The following GRIK3 variants were observed in gnomAD, a reference collection of about 807,000 sequenced individuals.
The protein encoded by GRIK3 is glutamate ionotropic receptor kainate type subunit 3.
Under a neutral mutation model 102.5 loss-of-function variants are expected in GRIK3, and 29 were observed. The observed-to-expected ratio is 0.28, with a 90% CI of 0.21 to 0.39. GRIK3 has a LOEUF of 0.39. Ranked by LOEUF, GRIK3 falls within the 10% of genes least tolerant of loss-of-function variation. The pLI, the probability that GRIK3 is intolerant of heterozygous loss-of-function variation, is 1.00. For synonymous variants in GRIK3, 511 were observed against 504.9 expected (o/e 1.01, Z -0.16); for missense variants, 908 against 1,252.4 (o/e 0.73, Z 4.15).
chr1:36,923,978 C>T (rs1318581689), intron 1 of GRIK3, among the ~76,000 whole-genome samples: 1 of 142,904 alleles, frequency 7.0e-6, no homozygotes, highest in Non-Finnish European at 1.5e-5. Context: ...AAGACACATA[C>T]ATCCCAGAGC....
At position 36,880,492 on chromosome 1, in the gene GRIK3, C is replaced by G; in HGVS notation, c.550+142G>C. The G allele has an allele frequency of 1.2e-6, 1 of 839,242 alleles. No homozygotes were observed. Among genetic ancestry groups the G allele is most frequent in the Non-Finnish European group, 2.0e-6 (1 of 510,804 alleles). The allele number at this position is 839,242 out of a possible 1,614,324, so 52.0% of individuals were successfully genotyped here. Reference sequence around the variant, plus strand: ...TGTGAGTGGGTGCAGGGGTGAACATCAGCATAACCGAGTGGAACTGGGGTA... The same window carrying G: ...TGTGAGTGGGTGCAGGGGTGAACATGAGCATAACCGAGTGGAACTGGGGTA... On this transcript the variant is annotated intron_variant, in intron 3 of 15. Transcript: ENST00000373091. This position sits in a 1 kb window ranked among gnomAD's most constrained non-coding sequence, Gnocchi z 5.4.
At chr1:36,916,682 G>A (rs949754710) in intron 1 of GRIK3, among the ~76,000 whole-genome samples, 1 of 152,200 alleles carries the variant, frequency 6.6e-6, no homozygotes, top group Non-Finnish European at 1.5e-5. Flanking sequence ...CAGCTTCCAT[G>A]TGGTGTTGAG....
chr1:36,945,576 T>C (rs1641774691), intron 1 of GRIK3, among the ~76,000 whole-genome samples: 1 of 152,220 alleles, frequency 6.6e-6, no homozygotes, highest in Non-Finnish European at 1.5e-5. Context: ...TACAAGAGAA[T>C]ACAGATAGCT....
chr1:36,842,673 C>G (rs905916342), intron 9 of GRIK3, among the ~76,000 whole-genome samples: 6 of 152,200 alleles, frequency 3.9e-5, no homozygotes, highest in African/African-American at 1.4e-4. Context: ...AGTTTATGCC[C>G]ATGGGGGGCC....
intron 1 of GRIK3, among the ~76,000 whole-genome samples, chr1:36,972,565 T>C (rs1242792787): frequency 6.6e-6 from 1 of 152,154 alleles, no homozygotes; most frequent in African/African-American, 2.4e-5. Flanking sequence ...GCCACTCTTA[T>C]TCCCCTTTCC....
intron 1 of GRIK3, among the ~76,000 whole-genome samples, chr1:36,935,204 C>T (rs1332691867): frequency 6.6e-6 from 1 of 151,758 alleles, no homozygotes; most frequent in African/African-American, 2.4e-5. Flanking sequence ...GCACCCAGCA[C>T]GGTGCCTGAC....
chr1:37,021,755 T>G (rs763687621), intron 1 of GRIK3, among the ~76,000 whole-genome samples: 1 of 152,130 alleles, frequency 6.6e-6, no homozygotes, highest in Non-Finnish European at 1.5e-5. Context: ...TCAGTTCTGT[T>G]GTGTTCAGGA....
chr1:37,017,339 G>A (rs1319010753), intron 1 of GRIK3, among the ~76,000 whole-genome samples: 5 of 121,922 alleles, frequency 4.1e-5, no homozygotes, highest in Non-Finnish European at 6.3e-5. Flanking sequence ...TTTGAGACCA[G>A]CCTGGGCAAC....
chr1:36,948,010 T>C (rs1301726565), intron 1 of GRIK3, among the ~76,000 whole-genome samples: 2 of 152,194 alleles, frequency 1.3e-5, no homozygotes, highest in African/African-American at 4.8e-5. Flanking sequence ...GCAGCCTCAC[T>C]CCTTACCCCT....
At chr1:36,923,112 C>G (rs1204583629) in intron 1 of GRIK3, among the ~76,000 whole-genome samples, 1 of 152,210 alleles carries the variant, frequency 6.6e-6, no homozygotes. Flanking sequence ...AGTTGTTCAA[C>G]AGATGGGCAG....
At chr1:36,950,304 A>G (rs1264568267) in intron 1 of GRIK3, among the ~76,000 whole-genome samples, 1 of 152,266 alleles carries the variant, frequency 6.6e-6, no homozygotes, top group Non-Finnish European at 1.5e-5. Context: ...ATGCATGTCC[A>G]TTGAATAACA....
At chr1:36,849,816 G>A (rs564763703) in intron 9 of GRIK3, 1 of 155,954 alleles carries the variant, frequency 6.4e-6, no homozygotes, top group Non-Finnish European at 1.4e-5. Flanking sequence ...GAGAAGATGG[G>A]GTGTGATTCC....
rs146040732 is a variant in GRIK3, at chr1:36,824,786, C to T, written c.1754+817G>A. Among the ~76,000 whole-genome samples, 604 of 152,162 alleles carry T rather than the reference C, an allele frequency of 4.0e-3. 5 individuals are homozygous for T. Among genetic ancestry groups the T allele is most frequent in the African/African-American group, 0.014 (566 of 41,518 alleles). ...CCAACCCGGGGCAGGGGCGGACCAC[C>T]GGACGGAGATGTGGGTCATAGATAA... is the stretch of plus-strand genomic sequence containing the variant. On this transcript the variant is annotated intron_variant, in intron 11 of 15. Coordinates refer to ENST00000373091, the MANE Select transcript of GRIK3 (RefSeq NM_000831.4).
In GRIK3 at chr1:37,034,037, G is replaced by A; in HGVS notation, c.72C>T (p.Phe24=). The A allele has an allele frequency of 1.2e-6, 2 of 1,606,582 alleles. No individual in the cohort carries two copies. Among genetic ancestry groups the A allele is most frequent in the South Asian group, 2.2e-5 (2 of 90,262 alleles). Residue 24 remains phenylalanine, a synonymous_variant, in exon 1 of 16, where the codon TTC becomes TTT. Coordinates refer to ENST00000373091, the MANE Select transcript of GRIK3 (RefSeq NM_000831.4). ...EYWAGLLVCA[F]WIPDSRGMPH... ...GCATCCCGCGCGAGTCCGGGATCCA[G>A]AAGGCGCACACGAGGAGCCCGGCCC... is the stretch of plus-strand genomic sequence containing the variant.
At chr1:36,928,014 G>A (rs547999528) in intron 1 of GRIK3, among the ~76,000 whole-genome samples, 5 of 152,314 alleles carry the variant, frequency 3.3e-5, no homozygotes, top group South Asian at 2.1e-4. Flanking sequence ...TGGAGCTGCC[G>A]TCACGTGACC....
intron 1 of GRIK3, among the ~76,000 whole-genome samples, chr1:36,896,851 A>G (rs1428760427): frequency 6.6e-6 from 1 of 152,202 alleles, no homozygotes; most frequent in East Asian, 1.9e-4. Context: ...ATGGTTCAAA[A>G]CAACTGATCA....
At chr1:36,842,445 T>C (rs1360346685) in intron 9 of GRIK3, among the ~76,000 whole-genome samples, 1 of 152,228 alleles carries the variant, frequency 6.6e-6, no homozygotes, top group Non-Finnish European at 1.5e-5. Context: ...CACTCAAGTC[T>C]GAGGACGCTG....
At chr1:36,832,237 G>A (rs547385503) in intron 10 of GRIK3, among the ~76,000 whole-genome samples, 1 of 152,316 alleles carries the variant, frequency 6.6e-6, no homozygotes, top group East Asian at 1.9e-4. Context: ...TCACTGTTGT[G>A]TGCCCCATGG....
intron 10 of GRIK3, among the ~76,000 whole-genome samples, chr1:36,828,073 G>GAAAAAA (rs34670494): frequency 4.0e-5 from 5 of 125,782 alleles, no homozygotes; most frequent in African/African-American, 1.4e-4. Context: ...AAAGAAAGCA[G>GAAAAAA]AAAAAAAAAA....
Sources: gnomAD v4.1 joint callset for allele counts (sites outside exome capture counted in the v4.1 genomes callset) on GRCh38, gnomAD v4.1.1 for gene constraint, Gnocchi (gnomAD v3.1) non-coding constraint, MANE v1.5 for transcripts, NCBI Gene and HGNC (gene_info 2026-07-23, HGNC 2026-07-21) for gene names.